PCDHGB1: variants seen among roughly 807,000 people sequenced by gnomAD.
The protein encoded by PCDHGB1 is protocadherin gamma-B1.
In PCDHGB1, 34 loss-of-function variants were observed where a neutral mutation model predicts 56.6. The ratio of observed to expected loss-of-function variants is 0.60; its 90% CI spans 0.46 to 0.80. The LOEUF (loss-of-function observed/expected upper bound fraction) is 0.80, where lower values mean the gene tolerates loss of function less well. PCDHGB1 is among the 30% of genes least tolerant of loss of function. PCDHGB1 has a pLI of 0.00. For missense variants in PCDHGB1, 1,278 were observed against 1,204.6 expected (o/e 1.06, Z -0.90); for synonymous variants, 561 against 505.9 (o/e 1.11, Z -1.46).
At chr5:141,412,980 A>G (rs2095595071) in intron 1 of PCDHGB1, 2 of 543,674 alleles carry the variant, frequency 3.7e-6, no homozygotes, top group Non-Finnish European at 6.3e-6. Flanking sequence ...AAACGCAGCC[A>G]GAGCTCAATC....
Position 141,351,184 on chromosome 5 carries a change from A to G in PCDHGB1, c.924A>G (p.Thr308=), listed in dbSNP as rs1254962185. 5.0e-6 allele frequency: 8 copies of G among 1,613,940 alleles called. No individual in the cohort carries two copies. The highest frequency in any genetic ancestry group is 1.3e-5 in the African/African-American group (1 of 74,944). The part of the protein sequence containing the change: ...TTNGTLDFEE[T]SRYVLSVEAK... ...ATGGCACATTGGATTTTGAAGAGAC[A>G]AGTAGATATGTGTTGAGTGTGGAAG... The change falls in exon 1 of 4, where the codon ACA becomes ACG. Residue 308 remains threonine, a synonymous_variant. Transcript: ENST00000523390.
At chr5:141,367,010 A>G (rs917201512) in intron 1 of PCDHGB1, 9 of 419,880 alleles carry the variant, frequency 2.1e-5, no homozygotes, top group Admixed American at 8.4e-5. Flanking sequence ...TTTTACCCAA[A>G]TATTTTGTTA....
chr5:141,465,273 G>A (rs949271610), intron 1 of PCDHGB1, among the ~76,000 whole-genome samples: 1 of 152,068 alleles, frequency 6.6e-6, no homozygotes, highest in Non-Finnish European at 1.5e-5. Context: ...TAGCCATTTA[G>A]TTCACCCCTA....
At chr5:141,499,730 T>C (rs1412528402) in intron 2 of PCDHGB1, among the ~76,000 whole-genome samples, 1 of 143,912 alleles carries the variant, frequency 6.9e-6, no homozygotes, top group East Asian at 2.1e-4. Context: ...AGTCTCACTC[T>C]CTTGCCCAGG....
At chr5:141,380,054 C>T (rs1441784259) in intron 1 of PCDHGB1, among the ~76,000 whole-genome samples, 1 of 151,916 alleles carries the variant, frequency 6.6e-6, no homozygotes, top group South Asian at 2.1e-4. Flanking sequence ...TGCATGCCAC[C>T]ATGCCTAGCT....
chr5:141,371,660 C>A, intron 1 of PCDHGB1: 1 of 1,614,032 alleles, frequency 6.2e-7, no homozygotes. Context: ...ATGTGACGAT[C>A]ACAGCTACCG....
rs755978864 is a variant in PCDHGB1 at position 141,352,146 on chromosome 5, G to A, written c.1886G>A (p.Gly629Asp). 1.7e-5 allele frequency: 27 copies of A among 1,612,154 alleles called. No homozygotes were observed. The highest frequency in any genetic ancestry group is 1.0e-4 in the Admixed American group (6 of 59,926). ...GAGGTGCGCACAGCGCGTGCCTTGG[G>A]CGACAGGGACGCGGCCCGCCAGCGC... ...TGEVRTARAL[G>D]DRDAARQRLL... The change falls in exon 1 of 4, where the codon GGC becomes GAC. Residue 629 changes from glycine (G) to aspartate (D), a missense_variant. Transcript: ENST00000523390.
At chr5:141,443,383 G>A (rs1302172660) in intron 1 of PCDHGB1, among the ~76,000 whole-genome samples, 1 of 152,130 alleles carries the variant, frequency 6.6e-6, no homozygotes, top group Non-Finnish European at 1.5e-5. Flanking sequence ...TACTTGGGAG[G>A]CTGAGGTGTG....
chr5:141,406,481 T>C (rs2094814987), intron 1 of PCDHGB1, among the ~76,000 whole-genome samples: 2 of 152,242 alleles, frequency 1.3e-5, no homozygotes, highest in Admixed American at 6.5e-5. Flanking sequence ...GGTTATATTT[T>C]TCAGATCACA....
chr5:141,485,826 G>A lies in PCDHGB1; in HGVS notation c.2410-8981G>A. The A allele has an allele frequency of 6.2e-7, 1 of 1,614,070 alleles. No individual in the cohort carries two copies. Among genetic ancestry groups the A allele is most frequent in the South Asian group, 1.1e-5 (1 of 91,078 alleles). Reference sequence around the variant, plus strand: ...CTGGTGCTGACTGCTGTCGATGGAGGGAACCCGCCGAGATCTGGCACCGCA... The same window carrying A: ...CTGGTGCTGACTGCTGTCGATGGAGAGAACCCGCCGAGATCTGGCACCGCA... On this transcript the variant is annotated intron_variant, in intron 1 of 3. Transcript: ENST00000523390. The surrounding 1 kb of genome is among the most constrained non-coding windows in gnomAD (Gnocchi z 5.7).
intron 3 of PCDHGB1, among the ~76,000 whole-genome samples, chr5:141,506,485 A>C (rs2154593953): frequency 6.6e-6 from 1 of 150,572 alleles, no homozygotes; most frequent in East Asian, 2.0e-4. Flanking sequence ...CTTTAGAGGC[A>C]GGCCAATCTG....
chr5:141,419,065 C>T (rs763008753), intron 1 of PCDHGB1: 3 of 1,613,904 alleles, frequency 1.9e-6, no homozygotes, highest in Non-Finnish European at 2.5e-6. Flanking sequence ...ATAATTACTA[C>T]AAGCTAGTAA....
rs767580455 is a variant in PCDHGB1 at position 141,402,948 on chromosome 5, C to G, written c.2409+50279C>G. The G allele has an allele frequency of 7.5e-6, 12 of 1,592,864 alleles. No individual in the cohort carries two copies. In the African/African-American group the frequency reaches 1.2e-4, roughly 16 times the overall value. On this transcript the variant is annotated intron_variant, in intron 1 of 3. Transcript: ENST00000523390. ...CTTTTGAGAAAATTCCAAAGCGAGG[C>G]AGCAATGGCAGCTCCAACCAAATGC... is the stretch of plus-strand genomic sequence containing the variant.
At chr5:141,470,599 C>T (rs967683467) in intron 1 of PCDHGB1, among the ~76,000 whole-genome samples, 12 of 152,194 alleles carry the variant, frequency 7.9e-5, no homozygotes, top group Non-Finnish European at 1.2e-4. Context: ...GCGACCTGTG[C>T]GGGGACACAG....
chr5:141,362,771 G>A (rs1239836690), intron 1 of PCDHGB1: 4 of 615,552 alleles, frequency 6.5e-6, no homozygotes, highest in African/African-American at 1.9e-5. Context: ...ATGAGATATT[G>A]CACTGTATTT....
intron 1 of PCDHGB1, chr5:141,418,882 C>G: frequency 1.2e-6 from 2 of 1,613,960 alleles, no homozygotes; most frequent in Non-Finnish European, 1.7e-6. Flanking sequence ...TAGACGAAAA[C>G]GACAACAGCC....
Position 141,400,379 on chromosome 5 carries a change from G to C in PCDHGB1, c.2409+47710G>C, listed in dbSNP as rs759135733. 3 of 1,613,922 alleles carry C rather than the reference G, an allele frequency of 1.9e-6. No homozygotes were observed. The East Asian group carries it at 6.7e-5, about 36-fold the overall frequency. ...ACTTTGCCTTATTCCTACAACCTAT[G>C]TGTTGCACATACAGGAAAGACGGAG... On this transcript the variant is annotated intron_variant, in intron 1 of 3. Coordinates refer to ENST00000523390, the MANE Select transcript of PCDHGB1 (RefSeq NM_018922.3).
rs1260981096 is a variant in PCDHGB1 at position 141,374,541 on chromosome 5, C to T, written c.2409+21872C>T. On this transcript the variant is annotated intron_variant, in intron 1 of 3. Coordinates refer to ENST00000523390, the MANE Select transcript of PCDHGB1 (RefSeq NM_018922.3). Reference sequence around the variant, plus strand: ...AACGCAGCTCCATCCTCTCGTTTTCCACTAATGGAGGTCTATGACCCTGAT... The same window carrying T: ...AACGCAGCTCCATCCTCTCGTTTTCTACTAATGGAGGTCTATGACCCTGAT... 6.8e-6 allele frequency: 11 copies of T among 1,613,170 alleles called. No individual in the cohort carries two copies. Among genetic ancestry groups the T allele is most frequent in the Non-Finnish European group, 9.3e-6 (11 of 1,179,374 alleles).
At chr5:141,361,473 C>T (rs374176708) in intron 1 of PCDHGB1, 2 of 1,614,024 alleles carry the variant, frequency 1.2e-6, no homozygotes, top group Admixed American at 1.7e-5. Flanking sequence ...CCGACGTCAA[C>T]GATAATGCCC....
Sources: allele counts gnomAD v4.1 joint callset (sites outside exome capture counted in the v4.1 genomes callset), GRCh38; gene constraint gnomAD v4.1.1; non-coding constraint Gnocchi (gnomAD v3.1); transcripts MANE v1.5; gene names NCBI Gene and HGNC (gene_info 2026-07-23, HGNC 2026-07-21).